DCC: variants seen among roughly 807,000 people sequenced by gnomAD.
DCC encodes netrin receptor DCC.
DCC carries 58 observed loss-of-function variants against 172.5 expected under a neutral mutation model. The observed-to-expected ratio is 0.34, with a 90% CI of 0.27 to 0.42. DCC has a LOEUF of 0.42. DCC is among the 10% of genes least tolerant of loss of function. The probability of loss-of-function intolerance (pLI) is 1.00; values close to 1 mark genes in which losing one functional copy is unlikely to be tolerated. For synonymous variants in DCC, 709 were observed against 644.5 expected, an observed-to-expected ratio of 1.10 and a Z score of -1.52; for missense variants, 1,740 against 1,791.0, an observed-to-expected ratio of 0.97 and a Z score of 0.51.
chr18:53,412,222 C>A (rs1046018787), intron 20 of DCC, among the ~76,000 whole-genome samples: 1 of 152,088 alleles, frequency 6.6e-6, no homozygotes, highest in Non-Finnish European at 1.5e-5. Context: ...ATTTCTAATA[C>A]CCTGATTTGA....
chr18:52,696,944 C>T (rs1349618318), intron 1 of DCC, among the ~76,000 whole-genome samples: 1 of 152,162 alleles, frequency 6.6e-6, no homozygotes, highest in South Asian at 2.1e-4. Flanking sequence ...GGGATGGGAC[C>T]AAGTATCTGC....
At chr18:53,306,033 T>A (rs945758823) in intron 13 of DCC, among the ~76,000 whole-genome samples, 2 of 152,200 alleles carry the variant, frequency 1.3e-5, no homozygotes, top group Non-Finnish European at 2.9e-5. Flanking sequence ...CAGTAACTTT[T>A]AAAAGTCATC....
At chr18:52,425,399 C>T (rs1222357117) in intron 1 of DCC, among the ~76,000 whole-genome samples, 8 of 152,110 alleles carry the variant, frequency 5.3e-5, no homozygotes, top group African/African-American at 1.7e-4. Flanking sequence ...CTACCTAAAC[C>T]AGAGCCATTG....
intron 5 of DCC, among the ~76,000 whole-genome samples, chr18:52,953,023 A>AAAAAAAAAAAAC (rs1410549172): frequency 4.0e-5 from 6 of 149,258 alleles, no homozygotes; most frequent in Admixed American, 3.5e-4. Flanking sequence ...AAAAAAAAAA[A>AAAAAAAAAAAAC]AAAAACTCAT....
intron 2 of DCC, among the ~76,000 whole-genome samples, chr18:52,846,508 C>T (rs892211991): frequency 2.6e-5 from 4 of 151,848 alleles, no homozygotes; most frequent in Admixed American, 1.3e-4. Context: ...CACTACACTA[C>T]AGCCTGGGCA....
At chr18:52,692,153 T>C (rs1179600997) in intron 1 of DCC, among the ~76,000 whole-genome samples, 2 of 152,132 alleles carry the variant, frequency 1.3e-5, no homozygotes, top group African/African-American at 2.4e-5. Context: ...GAGGTGGGCT[T>C]TGGCCCTCCC....
At chr18:53,323,743 A>G (rs1819252320) in intron 14 of DCC, among the ~76,000 whole-genome samples, 1 of 152,152 alleles carries the variant, frequency 6.6e-6, no homozygotes, top group Non-Finnish European at 1.5e-5. Flanking sequence ...AAACAGACAG[A>G]CTTGCATTTA....
intron 12 of DCC, among the ~76,000 whole-genome samples, chr18:53,240,440 G>T (rs1467206849): frequency 1.3e-5 from 2 of 152,086 alleles, no homozygotes; most frequent in Non-Finnish European, 2.9e-5. Context: ...AGGAATAAAA[G>T]CTACCAATCC....
At chr18:52,646,920 C>A (rs2035029770) in intron 1 of DCC, among the ~76,000 whole-genome samples, 1 of 152,108 alleles carries the variant, frequency 6.6e-6, no homozygotes, top group Non-Finnish European at 1.5e-5. Flanking sequence ...GACGACCATC[C>A]TAAGTCTATT....
intron 1 of DCC, among the ~76,000 whole-genome samples, chr18:52,634,836 T>C (rs956043824): frequency 2.6e-5 from 4 of 152,178 alleles, no homozygotes; most frequent in African/African-American, 9.6e-5. Context: ...CTTTGAACTT[T>C]GTATAACTCT....
chr18:53,081,880 A>T (rs2042811420), intron 7 of DCC, among the ~76,000 whole-genome samples: 1 of 152,108 alleles, frequency 6.6e-6, no homozygotes, highest in African/African-American at 2.4e-5. Context: ...CCCTTGAAAC[A>T]TGGAAATTTG....
rs184520783 is a variant in DCC, at chr18:52,420,599, A to C, written c.91+79721A>C. On this transcript the variant is annotated intron_variant, in intron 1 of 28. Transcript: ENST00000442544. ...CAGAAGAAATGAACACGTGAAATCA[A>C]TGACCCAGACAAGGCCAGAAATTTT... Among the ~76,000 whole-genome samples the C allele has an allele frequency of 1.9e-3, 283 of 152,318 alleles. 6 individuals carry two copies. In the East Asian group the frequency reaches 0.045, roughly 24 times the overall value.
intron 25 of DCC, among the ~76,000 whole-genome samples, chr18:53,477,398 A>G (rs1336223160): frequency 1.3e-5 from 2 of 152,176 alleles, no homozygotes; most frequent in Non-Finnish European, 1.5e-5. Context: ...AAAATTTTGT[A>G]TCTGTATCTT....
At chr18:52,783,509 G>T (rs369663958) in intron 2 of DCC, among the ~76,000 whole-genome samples, 2 of 151,638 alleles carry the variant, frequency 1.3e-5, no homozygotes, top group African/African-American at 4.8e-5. Flanking sequence ...AGTAAGTTAT[G>T]TCCATGATGT....
intron 1 of DCC, among the ~76,000 whole-genome samples, chr18:52,363,792 G>A (rs1984724565): frequency 6.6e-6 from 1 of 152,162 alleles, no homozygotes; most frequent in Non-Finnish European, 1.5e-5. Context: ...AATGTGCCCT[G>A]CTTCCTCCAT....
intron 1 of DCC, among the ~76,000 whole-genome samples, chr18:52,388,247 T>C (rs1285603654): frequency 1.3e-5 from 2 of 152,042 alleles, no homozygotes; most frequent in Non-Finnish European, 2.9e-5. Context: ...CAACTTTTCA[T>C]GTGTCTGAAG....
chr18:53,340,353 G>C (rs1343302737), intron 15 of DCC, among the ~76,000 whole-genome samples: 4 of 152,070 alleles, frequency 2.6e-5, no homozygotes, highest in African/African-American at 4.8e-5. Context: ...GAAATATCTA[G>C]TCATAGTGCC....
intron 5 of DCC, among the ~76,000 whole-genome samples, chr18:52,992,820 A>T (rs72930009): frequency 0.021 from 3,236 of 152,056 alleles, 58 homozygotes; most frequent in Admixed American, 0.039. Context: ...TACCAAAATT[A>T]CAAAATTAGC....
intron 2 of DCC, among the ~76,000 whole-genome samples, chr18:52,828,722 C>T (rs2038557962): frequency 2.0e-5 from 3 of 152,052 alleles, no homozygotes; most frequent in Admixed American, 1.3e-4. Flanking sequence ...TGTAGAAAAT[C>T]TAGTGTTTCT....
Sources: gnomAD v4.1 joint callset for allele counts (sites outside exome capture counted in the v4.1 genomes callset) on GRCh38, gnomAD v4.1.1 for gene constraint, MANE v1.5 for transcripts, NCBI Gene and HGNC (gene_info 2026-07-23, HGNC 2026-07-21) for gene names.